Variants in NTM observed in about 807,000 individuals in gnomAD.
NTM encodes the protein neurotrimin.
A neutral mutation model predicts 42.1 loss-of-function variants in NTM; 13 were observed. The observed-to-expected ratio is 0.31, with a 90% CI of 0.20 to 0.49. NTM has a LOEUF of 0.49. Among genes scored for constraint, NTM ranks in the 20% least tolerant of loss-of-function variants. NTM has a pLI of 0.99. For synonymous variants in NTM, 187 were observed against 179.2 expected (o/e 1.04, Z -0.35); for missense variants, 373 against 452.8 (o/e 0.82, Z 1.60).
chr11:131,619,402 C>T (rs2062287250), intron 1 of NTM, among the ~76,000 whole-genome samples: 1 of 152,162 alleles, frequency 6.6e-6, no homozygotes, highest in African/African-American at 2.4e-5. Flanking sequence ...TCTCTAGTAA[C>T]ACTGAGGCTA....
intron 1 of NTM, among the ~76,000 whole-genome samples, chr11:131,563,831 G>C (rs898125497): frequency 1.3e-5 from 2 of 152,012 alleles, no homozygotes; most frequent in African/African-American, 4.8e-5. Context: ...CTGTCCATGA[G>C]GCTTAATGAA....
At chr11:132,095,879 T>G (rs12292023) in intron 2 of NTM, among the ~76,000 whole-genome samples, 109,516 of 152,166 alleles carry the variant, frequency 0.72, 40,189 homozygotes, top group African/African-American at 0.81. Flanking sequence ...ACCCACACTG[T>G]ACTCTACCTG....
At chr11:132,220,999 G>A (rs533333713) in intron 4 of NTM, among the ~76,000 whole-genome samples, 1 of 152,144 alleles carries the variant, frequency 6.6e-6, no homozygotes, top group South Asian at 2.1e-4. Flanking sequence ...GTACCTCCTC[G>A]AGTCACACCG....
intron 7 of NTM, among the ~76,000 whole-genome samples, chr11:132,328,493 T>A (rs1054178574): frequency 7.3e-5 from 11 of 150,798 alleles, no homozygotes; most frequent in African/African-American, 2.2e-4. Context: ...TTTGGGGGGG[T>A]CTTTGTTTAT....
chr11:131,459,476 T>C (rs1404900018), intron 1 of NTM, among the ~76,000 whole-genome samples: 2 of 152,004 alleles, frequency 1.3e-5, no homozygotes, highest in East Asian at 1.9e-4. Context: ...AACTTACACA[T>C]TGCCAGCTTT....
chr11:132,264,232 C>T (rs1406404363), intron 4 of NTM, among the ~76,000 whole-genome samples: 2 of 152,136 alleles, frequency 1.3e-5, no homozygotes, highest in Non-Finnish European at 2.9e-5. Context: ...TTTTCATATT[C>T]CAGTTACTAG....
At chr11:132,268,664 CTCTCTCTG>C (rs993561282) in intron 4 of NTM, among the ~76,000 whole-genome samples, 2 of 57,092 alleles carry the variant, frequency 3.5e-5, no homozygotes, top group African/African-American at 1.3e-4. Context: ...GGTCCTCTCT[CTCTCTCTG>C]TGTGTGTGTG....
chr11:131,668,276 CT>C (rs1171475812), intron 1 of NTM, among the ~76,000 whole-genome samples: 1 of 151,886 alleles, frequency 6.6e-6, no homozygotes, highest in African/African-American at 2.4e-5. Context: ...ATCTATCTAT[CT>C]ATCTATCTAT....
At chr11:131,941,201 A>G (rs190405214) in intron 2 of NTM, among the ~76,000 whole-genome samples, 11 of 152,340 alleles carry the variant, frequency 7.2e-5, no homozygotes, top group African/African-American at 2.4e-4. Flanking sequence ...ACATTTTTCA[A>G]TATTGTGTTT....
intron 1 of NTM, among the ~76,000 whole-genome samples, chr11:131,691,579 C>T (rs1009038774): frequency 1.3e-5 from 2 of 150,896 alleles, no homozygotes; most frequent in African/African-American, 5.0e-5. Context: ...ACTTCCCTTC[C>T]ATGTCCTTCA....
chr11:131,600,335 T>C (rs1177371152), intron 1 of NTM, among the ~76,000 whole-genome samples: 1 of 152,194 alleles, frequency 6.6e-6, no homozygotes, highest in East Asian at 1.9e-4. Context: ...CAAGTGCCAG[T>C]GAAGGGCAGC....
At chr11:132,244,890 A>C (rs955809537) in intron 4 of NTM, among the ~76,000 whole-genome samples, 1 of 152,226 alleles carries the variant, frequency 6.6e-6, no homozygotes, top group South Asian at 2.1e-4. Context: ...AGCAGAATAT[A>C]AACAGAATAA....
At position 132,336,604 on chromosome 11, in the gene NTM, GTTTAT is replaced by G. The variant is rs750694343; in HGVS notation, c.*1466_*1470del. 15 of 152,454 alleles carry G rather than the reference GTTTAT, an allele frequency of 9.8e-5. No individual in the cohort carries two copies. Among genetic ancestry groups the G allele is most frequent in the Non-Finnish European group, 1.8e-4 (12 of 68,028 alleles). The allele number at this position is 152,454 out of a possible 1,614,324, so 9.4% of individuals were successfully genotyped here. On this transcript the variant is annotated 3_prime_UTR_variant, in exon 9 of 9. Coordinates refer to ENST00000683400, the MANE Select transcript of NTM (RefSeq NM_001352005.2). Reference sequence around the variant, plus strand: ...ACCACTGGAGAGTTTAATCCTCTTGGTTTATTTTATTTCCCACCTTTGTGTGAGTG... The same window carrying G: ...ACCACTGGAGAGTTTAATCCTCTTGGTTTATTTCCCACCTTTGTGTGAGTG...
At chr11:131,569,383 T>C (rs545967479) in intron 1 of NTM, among the ~76,000 whole-genome samples, 387 of 151,970 alleles carry the variant, frequency 2.5e-3, no homozygotes, top group South Asian at 5.8e-3. Context: ...TGACCTCAGG[T>C]GATCCACTTG....
At chr11:131,754,844 C>T (rs1429517163) in intron 1 of NTM, among the ~76,000 whole-genome samples, 2 of 152,120 alleles carry the variant, frequency 1.3e-5, no homozygotes, top group African/African-American at 4.8e-5. Flanking sequence ...TGAAATATGA[C>T]TCAGCAGTAA....
At chr11:132,278,785 T>TCTC (rs2093844888) in intron 4 of NTM, among the ~76,000 whole-genome samples, 2 of 85,820 alleles carry the variant, frequency 2.3e-5, no homozygotes, top group African/African-American at 3.8e-5. Flanking sequence ...CTCTCTCTCT[T>TCTC]TACTGCTTAA....
At chr11:131,971,705 T>A (rs1299675793) in intron 2 of NTM, among the ~76,000 whole-genome samples, 1 of 150,692 alleles carries the variant, frequency 6.6e-6, no homozygotes, top group Non-Finnish European at 1.5e-5. Context: ...AAAATGACCA[T>A]CTCAGCTTGA....
intron 1 of NTM, among the ~76,000 whole-genome samples, chr11:131,886,636 C>G (rs2050449309): frequency 6.6e-6 from 1 of 152,222 alleles, no homozygotes; most frequent in Non-Finnish European, 1.5e-5. Flanking sequence ...GTGTCTCCTT[C>G]TGTTTCCCAG....
At chr11:131,900,433 G>A (rs909881655) in intron 1 of NTM, among the ~76,000 whole-genome samples, 4 of 152,174 alleles carry the variant, frequency 2.6e-5, no homozygotes, top group African/African-American at 9.7e-5. Context: ...ACAGTGACAA[G>A]GTCAGATTTC....
Sources: allele counts gnomAD v4.1 joint callset (sites outside exome capture counted in the v4.1 genomes callset), GRCh38; gene constraint gnomAD v4.1.1; transcripts MANE v1.5; gene names NCBI Gene and HGNC (gene_info 2026-07-23, HGNC 2026-07-21).